FAF1: variants seen among roughly 807,000 people sequenced by gnomAD.
FAF1 encodes Fas associated factor 1.
A neutral mutation model predicts 92.5 loss-of-function variants in FAF1; 25 were observed. The observed-to-expected ratio is 0.27, with a 90% CI of 0.20 to 0.38. The LOEUF (loss-of-function observed/expected upper bound fraction) is 0.38. Among genes scored for constraint, FAF1 ranks in the 10% least tolerant of loss-of-function variants. The probability of loss-of-function intolerance (pLI) is 1.00; values close to 1 mark genes in which losing one functional copy is unlikely to be tolerated. For missense variants in FAF1, 636 were observed against 793.3 expected (o/e 0.80, Z 2.38); for synonymous variants, 234 against 273.2 (o/e 0.86, Z 1.42).
chr1:50,760,602 A>T (rs1225885548), intron 4 of FAF1, among the ~76,000 whole-genome samples: 2 of 152,234 alleles, frequency 1.3e-5, no homozygotes, highest in Admixed American at 6.5e-5. Context: ...GTACCTAACG[A>T]AATGAAGGCA....
In FAF1 at chr1:50,582,657, T is replaced by A. The variant is rs1651044778; in HGVS notation, c.1074A>T (p.Glu358Asp). The change falls in exon 12 of 19, where the codon GAA becomes GAT. Residue 358 changes from glutamate (E) to aspartate (D), a missense_variant. By Grantham distance (45) the Glu-to-Asp change is conservative. Transcript: ENST00000396153. ...CATAGAAGGCCTCTTGAAAAGCAGC[T>A]TCTAATGAGCCAATAAAAAATACAG... ...CHPVFFIGSL[E>D]AAFQEAFYVK... 1 of 1,612,912 alleles carries A rather than the reference T, an allele frequency of 6.2e-7. No individual in the cohort carries two copies. The highest frequency in any genetic ancestry group is 8.5e-7 in the Non-Finnish European group (1 of 1,179,130).
chr1:50,876,575 A>G (rs1376397653), intron 1 of FAF1, among the ~76,000 whole-genome samples: 1 of 152,054 alleles, frequency 6.6e-6, no homozygotes, highest in East Asian at 1.9e-4. Context: ...CAAAGCTAAA[A>G]CATTTGTTTT....
intron 6 of FAF1, among the ~76,000 whole-genome samples, chr1:50,713,773 C>CTTT (rs58832551): frequency 3.0e-4 from 36 of 119,516 alleles, no homozygotes; most frequent in South Asian, 5.7e-4. Flanking sequence ...AATGTAAAAG[C>CTTT]TTTTTTTTTT....
chr1:50,498,051 T>C (rs1424477427), intron 15 of FAF1, among the ~76,000 whole-genome samples: 1 of 152,172 alleles, frequency 6.6e-6, no homozygotes, highest in African/African-American at 2.4e-5. Context: ...GGTAGTGGCA[T>C]AATGATAGAC....
At chr1:50,894,857 T>C (rs1291437900) in intron 1 of FAF1, among the ~76,000 whole-genome samples, 2 of 151,888 alleles carry the variant, frequency 1.3e-5, no homozygotes, top group East Asian at 1.9e-4. Context: ...CCAAAACCTA[T>C]GGGGTTACAG....
rs1644665751 is a variant in FAF1 at position 50,886,498 on chromosome 1, A to G, written c.46-28501T>C. Among the ~76,000 whole-genome samples the G allele has an allele frequency of 2.6e-5, 4 of 152,152 alleles. No homozygotes were observed. In the South Asian group the frequency reaches 8.3e-4, roughly 32 times the overall value. ...CACCCACTAACTCGTCATTTACACT[A>G]GCTATATCTCCTAATGCTATCCCTC... On this transcript the variant is annotated intron_variant, in intron 1 of 18. Transcript: ENST00000396153.
chr1:50,932,893 C>T (rs918232737), intron 1 of FAF1, among the ~76,000 whole-genome samples: 10 of 152,174 alleles, frequency 6.6e-5, no homozygotes, highest in Non-Finnish European at 1.3e-4. Flanking sequence ...TCTGTGCACC[C>T]GGAGGCTCAA....
chr1:50,752,330 CAAATTTTTT>C (rs1659901552), intron 4 of FAF1, among the ~76,000 whole-genome samples: 1 of 152,120 alleles, frequency 6.6e-6, no homozygotes, highest in African/African-American at 2.4e-5. Flanking sequence ...TACAGCTATT[CAAATTTTTT>C]ACTTCTGTGA....
At chr1:50,642,627 C>A (rs971562133) in intron 8 of FAF1, among the ~76,000 whole-genome samples, 2 of 151,610 alleles carry the variant, frequency 1.3e-5, no homozygotes, top group African/African-American at 2.4e-5. Flanking sequence ...CCAGCCTGGG[C>A]GACAGAGTGA....
At chr1:50,810,999 C>T (rs538312909) in intron 2 of FAF1, among the ~76,000 whole-genome samples, 1 of 152,018 alleles carries the variant, frequency 6.6e-6, no homozygotes, top group Admixed American at 6.6e-5. Context: ...GAGGTGAGAT[C>T]GTGCCACTGT....
intron 15 of FAF1, among the ~76,000 whole-genome samples, chr1:50,509,385 G>A (rs1215019535): frequency 6.6e-6 from 1 of 152,066 alleles, no homozygotes; most frequent in Non-Finnish European, 1.5e-5. Context: ...GTTGAGGCAG[G>A]AGGACTGTTT....
intron 7 of FAF1, among the ~76,000 whole-genome samples, chr1:50,681,981 G>A (rs1047748720): frequency 1.2e-4 from 18 of 151,770 alleles, no homozygotes; most frequent in South Asian, 2.1e-4. Context: ...CCACAGGCAC[G>A]TACCACCATG....
At chr1:50,942,062 CATTAGATA>C (rs993599668) in intron 1 of FAF1, among the ~76,000 whole-genome samples, 9 of 152,160 alleles carry the variant, frequency 5.9e-5, no homozygotes, top group African/African-American at 2.2e-4. Flanking sequence ...TACTATCTGT[CATTAGATA>C]ATTACTTAAC....
At chr1:50,821,517 A>G (rs557123633) in intron 2 of FAF1, among the ~76,000 whole-genome samples, 12 of 152,352 alleles carry the variant, frequency 7.9e-5, no homozygotes, top group African/African-American at 2.6e-4. Flanking sequence ...GAGCCTTCAT[A>G]AACTCATATA....
At chr1:50,793,182 T>C (rs1256919176) in intron 3 of FAF1, among the ~76,000 whole-genome samples, 2 of 152,098 alleles carry the variant, frequency 1.3e-5, no homozygotes, top group African/African-American at 4.8e-5. Flanking sequence ...CAAACACAAG[T>C]TGGTTCACAG....
At chr1:50,699,192 G>A (rs886071654) in intron 7 of FAF1, among the ~76,000 whole-genome samples, 6 of 152,018 alleles carry the variant, frequency 3.9e-5, no homozygotes, top group Admixed American at 3.9e-4. Flanking sequence ...ATAAAAAGCA[G>A]GTGATGTATA....
intron 1 of FAF1, among the ~76,000 whole-genome samples, chr1:50,901,389 G>T (rs1644794948): frequency 6.6e-6 from 1 of 151,982 alleles, no homozygotes; most frequent in African/African-American, 2.4e-5. Context: ...ACACATTTGT[G>T]CCTCATTAAA....
intron 1 of FAF1, among the ~76,000 whole-genome samples, chr1:50,953,775 G>T (rs1645240427): frequency 6.6e-6 from 1 of 151,930 alleles, no homozygotes; most frequent in Admixed American, 6.6e-5. Context: ...AATTCATCAA[G>T]CAATTTAGGC....
At chr1:50,906,904 T>C (rs1644843701) in intron 1 of FAF1, among the ~76,000 whole-genome samples, 1 of 152,220 alleles carries the variant, frequency 6.6e-6, no homozygotes. Flanking sequence ...TGGCCAGAAC[T>C]TCCAACACTA....
Sources: gnomAD v4.1 joint callset for allele counts (sites outside exome capture counted in the v4.1 genomes callset) on GRCh38, gnomAD v4.1.1 for gene constraint, MANE v1.5 for transcripts, NCBI Gene and HGNC (gene_info 2026-07-23, HGNC 2026-07-21) for gene names.